The following PPAT variants were observed in gnomAD, a reference collection of about 807,000 sequenced individuals.
The protein encoded by PPAT is phosphoribosyl pyrophosphate amidotransferase.
PPAT carries 20 observed loss-of-function variants against 60.2 expected under a neutral mutation model. That is an observed-to-expected ratio of 0.33 (90% CI 0.23 to 0.48). PPAT has a LOEUF of 0.48. Among genes scored for constraint, PPAT ranks in the 20% least tolerant of loss-of-function variants. PPAT has a pLI of 0.99. For synonymous variants in PPAT, 194 were observed against 215.1 expected, an observed-to-expected ratio of 0.90 and a Z score of 0.86; for missense variants, 349 against 629.6, an observed-to-expected ratio of 0.55 and a Z score of 4.77.
intron 2 of PPAT, 136 bp downstream of exon 2, chr4:56,407,514 C>T: frequency 1.6e-6 from 1 of 623,322 alleles, no homozygotes; most frequent in Non-Finnish European, 2.9e-6. Flanking sequence ...GACAGGGTTT[C>T]TCCATGTTGG....
intron 1 of PPAT, among the ~76,000 whole-genome samples, chr4:56,414,746 T>C (rs971383954): frequency 6.6e-6 from 1 of 152,214 alleles, no homozygotes. Context: ...ATAGAAACCC[T>C]GCCTTTATTT....
chr4:56,404,118 T>C, intron 3 of PPAT: 1 of 371,456 alleles, frequency 2.7e-6, no homozygotes, highest in Non-Finnish European at 5.6e-6. Flanking sequence ...CAATAGGAAA[T>C]CTAGAAGATT....
At chr4:56,428,527 C>A (rs563909644) in intron 1 of PPAT, among the ~76,000 whole-genome samples, 4 of 151,948 alleles carry the variant, frequency 2.6e-5, no homozygotes, top group South Asian at 2.1e-4. Flanking sequence ...AAAATGGCAA[C>A]CCTCCAAGAA....
At chr4:56,430,149 C>T (rs1717506061) in intron 1 of PPAT, among the ~76,000 whole-genome samples, 1 of 152,160 alleles carries the variant, frequency 6.6e-6, no homozygotes, top group African/African-American at 2.4e-5. Context: ...AAATCTATTT[C>T]ACTGTTGGAC....
At chr4:56,425,753 C>T (rs1166237630) in intron 1 of PPAT, among the ~76,000 whole-genome samples, 2 of 152,076 alleles carry the variant, frequency 1.3e-5, no homozygotes, top group African/African-American at 4.8e-5. Context: ...AGCTTTGTGC[C>T]AGTGTGACCT....
At chr4:56,401,074 G>T (rs906700526) in intron 7 of PPAT, among the ~76,000 whole-genome samples, 163 bp from the exon 8 acceptor site, 3 of 152,208 alleles carry the variant, frequency 2.0e-5, no homozygotes, top group African/African-American at 7.2e-5. Flanking sequence ...ACTCAACTGT[G>T]TGGTTTTAAA....
intron 3 of PPAT, chr4:56,404,150 T>G (rs1716186734): frequency 2.8e-6 from 1 of 351,372 alleles, no homozygotes; most frequent in Admixed American, 2.9e-5. Context: ...AAAATGTGCT[T>G]TATGAGATGT....
intron 9 of PPAT, among the ~76,000 whole-genome samples, 166 bp downstream of exon 9, chr4:56,399,013 G>A (rs1296126250): frequency 6.6e-6 from 1 of 152,092 alleles, no homozygotes; most frequent in Admixed American, 6.6e-5. Context: ...AAGTGTGGCT[G>A]TGACATGTTC....
In PPAT at chr4:56,403,199, A is replaced by C; in HGVS notation, c.516-14T>G. 6.6e-7 allele frequency: 1 copy of C among 1,516,294 alleles called. No individual in the cohort carries two copies. Among genetic ancestry groups the C allele is most frequent in the Non-Finnish European group, 8.9e-7 (1 of 1,125,996 alleles). The allele number at this position is 1,516,294 out of a possible 1,614,324, so 93.9% of individuals were successfully genotyped here. Reference sequence around the variant, plus strand: ...AAGTTTTTAATCCTGGAATTAATTAAATAATTGAATGAATAACTTCAGTTA... The same window carrying C: ...AAGTTTTTAATCCTGGAATTAATTACATAATTGAATGAATAACTTCAGTTA... On this transcript the variant is annotated splice_polypyrimidine_tract_variant and intron_variant, in intron 4 of 10. Transcript: ENST00000264220.
At chr4:56,419,949 C>T in intron 1 of PPAT, 2 of 983,712 alleles carry the variant, frequency 2.0e-6, no homozygotes, top group Non-Finnish European at 2.4e-6. Context: ...GGATGCTATT[C>T]TGGGACCCAA....
chr4:56,433,598 G>C (rs1427102706), intron 1 of PPAT, among the ~76,000 whole-genome samples: 1 of 151,670 alleles, frequency 6.6e-6, no homozygotes, highest in Non-Finnish European at 1.5e-5. Context: ...AGTAAATATA[G>C]TGAAGTACAG....
At chr4:56,417,100 C>T (rs1177225852) in intron 1 of PPAT, among the ~76,000 whole-genome samples, 2 of 152,180 alleles carry the variant, frequency 1.3e-5, no homozygotes, top group Non-Finnish European at 2.9e-5. Flanking sequence ...CCACCCGCCT[C>T]GGCCTCCCAA....
rs761246399 is a variant in PPAT at position 56,435,454 on chromosome 4, G to A, written c.24C>T (p.Ile8=). 1.9e-6 allele frequency: 3 copies of A among 1,613,842 alleles called. No homozygotes were observed. The South Asian group carries it at 3.3e-5, about 18-fold the overall frequency. MELEELG[I]REECGVFGCI... ...ACCCGAACACGCCACATTCCTCTCG[G>A]ATCCCCAACTCCTCCAGCTCCATGT... The change falls in exon 1 of 11, where the codon ATC becomes ATT. Residue 8 remains isoleucine, a synonymous_variant. Coordinates refer to ENST00000264220, the MANE Select transcript of PPAT (RefSeq NM_002703.5).
At position 56,396,548 on chromosome 4, in the gene PPAT, AG is replaced by A; in HGVS notation, c.1357+70del. On this transcript the variant is annotated intron_variant, in intron 10 of 10. Coordinates refer to ENST00000264220, the MANE Select transcript of PPAT (RefSeq NM_002703.5). The surrounding 1 kb of genome is among the most constrained non-coding windows in gnomAD (Gnocchi z 4.6). ...AACACTGAATACTCCTTTTTACTAAAGGTGTAAAGACTGTCAAGCTTTGGAT... is the reference window on the plus strand; with the variant it reads ...AACACTGAATACTCCTTTTTACTAAAGTGTAAAGACTGTCAAGCTTTGGAT... 7.1e-7 allele frequency: 1 copy of A among 1,407,868 alleles called. No homozygotes were observed. Among genetic ancestry groups the A allele is most frequent in the South Asian group, 1.3e-5 (1 of 78,554 alleles). The allele number at this position is 1,407,868 out of a possible 1,614,324, so 87.2% of individuals were successfully genotyped here.
intron 1 of PPAT, among the ~76,000 whole-genome samples, chr4:56,423,612 A>G (rs1463974434): frequency 6.6e-6 from 1 of 152,142 alleles, no homozygotes; most frequent in Non-Finnish European, 1.5e-5. Flanking sequence ...TACAACCTCA[A>G]GATAATTTTT....
At chr4:56,424,547 A>C (rs529863336) in intron 1 of PPAT, among the ~76,000 whole-genome samples, 2 of 152,284 alleles carry the variant, frequency 1.3e-5, no homozygotes, top group South Asian at 4.1e-4. Context: ...AGAATCATAG[A>C]CTGCTCAGGC....
At chr4:56,417,077 G>A (rs1223507263) in intron 1 of PPAT, among the ~76,000 whole-genome samples, 1 of 152,124 alleles carries the variant, frequency 6.6e-6, no homozygotes, top group Non-Finnish European at 1.5e-5. Context: ...TAGAACTCTC[G>A]ACCTCTGGTG....
intron 1 of PPAT, among the ~76,000 whole-genome samples, chr4:56,413,158 G>A (rs1055535915): frequency 6.7e-6 from 1 of 150,112 alleles, no homozygotes; most frequent in South Asian, 2.1e-4. Context: ...TTGGTTTTTG[G>A]TTTTGTTTTG....
intron 5 of PPAT, among the ~76,000 whole-genome samples, chr4:56,402,485 GAC>G (rs1716136775): frequency 6.6e-6 from 1 of 152,028 alleles, no homozygotes; most frequent in South Asian, 2.1e-4. Flanking sequence ...AGCCAATTAA[GAC>G]AGGAAAAAAT....
Sources: allele counts gnomAD v4.1 joint callset (sites outside exome capture counted in the v4.1 genomes callset), GRCh38; gene constraint gnomAD v4.1.1; non-coding constraint Gnocchi (gnomAD v3.1); transcripts MANE v1.5; gene names NCBI Gene and HGNC (gene_info 2026-07-23, HGNC 2026-07-21).